HK2: variants seen among roughly 807,000 people sequenced by gnomAD.
HK2 encodes hexokinase-2.
HK2 carries 42 observed loss-of-function variants against 92.9 expected under a neutral mutation model. The observed-to-expected ratio is 0.45, with a 90% CI of 0.35 to 0.58. The LOEUF is 0.58. Ranked by LOEUF, HK2 falls within the 20% of genes least tolerant of loss-of-function variation. The probability of loss-of-function intolerance (pLI) is 0.00; values close to 1 mark genes in which losing one functional copy is unlikely to be tolerated. For synonymous variants in HK2, 422 were observed against 468.0 expected, an observed-to-expected ratio of 0.90 and a Z score of 1.27; for missense variants, 978 against 1,245.1, an observed-to-expected ratio of 0.79 and a Z score of 3.23.
At chr2:74,835,587 C>T (rs1306871869) in intron 1 of HK2, among the ~76,000 whole-genome samples, 1 of 152,184 alleles carries the variant, frequency 6.6e-6, no homozygotes, top group African/African-American at 2.4e-5. Context: ...AGCTCTCATT[C>T]CCCGCCTCGG....
chr2:74,852,768 A>T (rs905382531), intron 1 of HK2, among the ~76,000 whole-genome samples: 1 of 152,184 alleles, frequency 6.6e-6, no homozygotes, highest in Admixed American at 6.5e-5. Flanking sequence ...GGAAAAGTTC[A>T]TGTGAATTTA....
intron 2 of HK2, among the ~76,000 whole-genome samples, chr2:74,865,351 T>A (rs1688920370): frequency 6.6e-6 from 1 of 152,096 alleles, no homozygotes; most frequent in South Asian, 2.1e-4. Context: ...AGCTGTGGCC[T>A]CTGAGTCCAG....
intron 15 of HK2, 65 bp downstream of exon 15, chr2:74,886,738 C>A: frequency 6.6e-7 from 1 of 1,519,864 alleles, no homozygotes. Flanking sequence ...GTGATCAGAG[C>A]TTCCACAATG....
chr2:74,873,962 T>A lies in HK2; in HGVS notation c.691+19T>A, dbSNP rs769708471. ...ATTGTGGGTGAGTGAACACCGTGCA[T>A]GAAGGGCCCGTGCTGGCCAAGGGAT... is the stretch of plus-strand genomic sequence containing the variant. On this transcript the variant is annotated intron_variant, in intron 6 of 17. Coordinates refer to ENST00000290573, the MANE Select transcript of HK2 (RefSeq NM_000189.5). 1 of 1,580,750 alleles carries A rather than the reference T, an allele frequency of 6.3e-7. No homozygotes were observed. The highest frequency in any genetic ancestry group is 8.7e-7 in the Non-Finnish European group (1 of 1,149,846).
At chr2:74,844,049 A>G (rs1688378816) in intron 1 of HK2, among the ~76,000 whole-genome samples, 1 of 152,170 alleles carries the variant, frequency 6.6e-6, no homozygotes, top group Admixed American at 6.5e-5. Context: ...GACCCAGGCA[A>G]TGTGACTCCA....
Position 74,891,118 on chromosome 2 carries a change from C to G in HK2, c.*177C>G. ...GTAGAGCTTGGTGGCTGAGCTTGGC[C>G]CTATTAAGATAAATAGAGTTCCAAA... On this transcript the variant is annotated 3_prime_UTR_variant, in exon 18 of 18. Coordinates refer to ENST00000290573, the MANE Select transcript of HK2 (RefSeq NM_000189.5). 1 of 671,012 alleles carries G rather than the reference C, an allele frequency of 1.5e-6. No individual in the cohort carries two copies. Among genetic ancestry groups the G allele is most frequent in the East Asian group, 2.8e-5 (1 of 36,292 alleles). 41.6% of individuals were successfully genotyped at this position (671,012 alleles called of 1,614,324 possible). A position where few individuals can be genotyped will look rare whatever the true frequency, so the allele number is the denominator to read the frequency against.
At chr2:74,866,398 G>A (rs960401906) in intron 2 of HK2, among the ~76,000 whole-genome samples, 1 of 152,198 alleles carries the variant, frequency 6.6e-6, no homozygotes, top group African/African-American at 2.4e-5. Context: ...CTTTGAGAAG[G>A]TTGTGGCAGG....
In HK2 at chr2:74,880,375, T is replaced by A; in HGVS notation, c.1376T>A (p.Val459Glu). The part of the protein sequence containing the change: ...SGKGAAMVTA[V>E]AYRLADQHRA... ...AAAGGTGCAGCCATGGTGACAGCAG[T>A]GGCTTACCGGCTGGCCGATCAACAC... Residue 459 changes from valine (V) to glutamate (E), a missense_variant, in exon 10 of 18, where the codon GTG becomes GAG. Val to Glu is a moderately radical substitution (Grantham distance 121). Transcript: ENST00000290573. 6.2e-7 allele frequency: 1 copy of A among 1,614,096 alleles called. No individual in the cohort carries two copies. Among genetic ancestry groups the A allele is most frequent in the Non-Finnish European group, 8.5e-7 (1 of 1,180,024 alleles).
At chr2:74,848,648 C>T (rs1688497729) in intron 1 of HK2, among the ~76,000 whole-genome samples, 1 of 152,186 alleles carries the variant, frequency 6.6e-6, no homozygotes, top group Admixed American at 6.5e-5. Context: ...GTCTACACTT[C>T]CCTTTTAAAA....
In HK2 at chr2:74,892,838, T is replaced by C. The variant is rs1309138155; in HGVS notation, c.*1897T>C. 6.6e-6 allele frequency: 1 copy of C among 152,178 alleles called. No homozygotes were observed. Among genetic ancestry groups the C allele is most frequent in the Non-Finnish European group, 1.5e-5 (1 of 68,026 alleles). 9.4% of individuals were successfully genotyped at this position (152,178 alleles called of 1,614,324 possible). The stretch of plus-strand genomic sequence containing the variant: ...CTGGTCCTTCTCGTTTGCTCTAGTC[T>C]TGCTTTGCTGTCTGGTGTAGCTCCT... On this transcript the variant is annotated 3_prime_UTR_variant, in exon 18 of 18. Coordinates refer to ENST00000290573, the MANE Select transcript of HK2 (RefSeq NM_000189.5).
intron 9 of HK2, 102 bp from the exon 10 acceptor site, chr2:74,880,163 C>A (rs779417151): frequency 2.3e-6 from 3 of 1,288,032 alleles, no homozygotes; most frequent in East Asian, 2.3e-5. Flanking sequence ...CCTGCAGGTG[C>A]CTTTTGGCAT....
intron 15 of HK2, 144 bp downstream of exon 15, chr2:74,886,817 C>T (rs1029102855): frequency 2.2e-5 from 19 of 865,132 alleles, no homozygotes; most frequent in African/African-American, 1.3e-4. Flanking sequence ...GGTTTCTTGT[C>T]GAATGCACCT....
chr2:74,868,807 AGACTTGTAACGT>A (rs1265779556), intron 3 of HK2, among the ~76,000 whole-genome samples: 2 of 152,210 alleles, frequency 1.3e-5, no homozygotes, highest in Non-Finnish European at 1.5e-5. Context: ...ATTATGTAAA[AGACTTGTAACGT>A]GATGGTGACT....
chr2:74,870,169 C>T (rs867377876), intron 3 of HK2, among the ~76,000 whole-genome samples: 9 of 151,716 alleles, frequency 5.9e-5, no homozygotes, highest in Non-Finnish European at 7.4e-5. Context: ...CCACCAGGCC[C>T]GGCTAATTTT....
At chr2:74,879,140 G>A (rs549886246) in intron 9 of HK2, among the ~76,000 whole-genome samples, 72 of 152,234 alleles carry the variant, frequency 4.7e-4, no homozygotes, top group Non-Finnish European at 9.0e-4. Context: ...CTGATGACTC[G>A]GGCTCTCCGC....
At chr2:74,866,555 G>T (rs898716596) in intron 2 of HK2, among the ~76,000 whole-genome samples, 1 of 152,194 alleles carries the variant, frequency 6.6e-6, no homozygotes, top group Non-Finnish European at 1.5e-5. Context: ...CTTCCCCATA[G>T]TCGGTGGTAT....
chr2:74,889,163 G>A, intron 16 of HK2, 82 bp from the exon 17 acceptor site: 1 of 1,166,414 alleles, frequency 8.6e-7, no homozygotes, highest in Admixed American at 2.0e-5. Flanking sequence ...AGCCTCCCCT[G>A]TAAGGACTCA....
chr2:74,869,617 G>A (rs115074670), intron 3 of HK2, among the ~76,000 whole-genome samples: 2,699 of 152,258 alleles, frequency 0.018, 79 homozygotes, highest in African/African-American at 0.061. Flanking sequence ...GATTTTAAAC[G>A]TATATCTCGT....
chr2:74,869,027 A>G (rs557664615), intron 3 of HK2, among the ~76,000 whole-genome samples: 91 of 152,330 alleles, frequency 6.0e-4, no homozygotes, highest in Admixed American at 1.6e-3. Flanking sequence ...TTCTTCTTGA[A>G]AAAAGCTTAA....
Sources: allele counts gnomAD v4.1 joint callset (sites outside exome capture counted in the v4.1 genomes callset), GRCh38; gene constraint gnomAD v4.1.1; transcripts MANE v1.5; gene names NCBI Gene and HGNC (gene_info 2026-07-23, HGNC 2026-07-21).